Variants in IFIT5 observed in about 807,000 individuals in gnomAD.
The protein encoded by IFIT5 is interferon-induced protein with tetratricopeptide repeats 5.
In IFIT5, 2 loss-of-function variants were observed where a neutral mutation model predicts 5.0. The ratio of observed to expected loss-of-function variants is 0.40; its 90% CI spans 0.16 to 1.26. The LOEUF is 1.26. IFIT5 is among the 50% of genes most tolerant of loss of function. The pLI, the probability that IFIT5 is intolerant of heterozygous loss-of-function variation, is 0.33. For missense variants in IFIT5, 524 were observed against 563.2 expected (o/e 0.93, Z 0.70); for synonymous variants, 206 against 204.6 (o/e 1.01, Z -0.06).
chr10:89,418,642 C>T lies in IFIT5; in HGVS notation c.1443C>T (p.Ser481=). 3 of 1,605,742 alleles carry T rather than the reference C, an allele frequency of 1.9e-6. No individual in the cohort carries two copies. The part of the protein sequence containing the change: ...FLTALCELRL[S]I ...CTGCTCTCTGTGAGCTCCGACTTTC[C>T]ATTTAAATACATACTCTAGGAAATT... The change falls in exon 2 of 2, where the codon TCC becomes TCT. Residue 481 remains serine (S), a synonymous_variant. Transcript: ENST00000371795.
Position 89,417,626 on chromosome 10 carries a change from G to T in IFIT5, c.427G>T (p.Glu143Ter). The T allele has an allele frequency of 6.2e-7, 1 of 1,614,232 alleles. No individual in the cohort carries two copies. The highest frequency in any genetic ancestry group is 8.5e-7 in the Non-Finnish European group (1 of 1,180,046). The change falls in exon 2 of 2, where the codon GAG (glutamate) becomes TAG (stop). Residue 143 changes from glutamate to a stop codon, truncating the protein, a stop_gained. Transcript: ENST00000371795. LOFTEE classifies it low-confidence loss of function (END_TRUNC). ...YKLECPETDC[E>*]KGWALLKFGG... ...GTTGGAGTGTCCTGAGACTGACTGT[G>T]AGAAAGGCTGGGCACTCTTGAAATT...
At chr10:89,416,839 C>G (rs1841542509) in intron 1 of IFIT5, among the ~76,000 whole-genome samples, 1 of 152,128 alleles carries the variant, frequency 6.6e-6, no homozygotes, top group Non-Finnish European at 1.5e-5. Flanking sequence ...ACCAGGTTTC[C>G]TAGTCAGGAT....
Position 89,419,939 on chromosome 10 carries a change from G to A in IFIT5, c.*1291G>A, listed in dbSNP as rs1053390208. On this transcript the variant is annotated 3_prime_UTR_variant, in exon 2 of 2. Transcript: ENST00000371795. The stretch of plus-strand genomic sequence containing the variant: ...TCTTAAAATTATTATGTATGTGTGT[G>A]TGTTTTACTTTTTGTTTTTTATCAT... The A allele has an allele frequency of 6.6e-6, 1 of 151,648 alleles. No homozygotes were observed. Among genetic ancestry groups the A allele is most frequent in the Non-Finnish European group, 1.5e-5 (1 of 67,900 alleles). 9.4% of individuals were successfully genotyped at this position (151,648 alleles called of 1,614,324 possible).
Position 89,418,622 on chromosome 10 carries a change from C to G in IFIT5, c.1423C>G (p.Leu475Val). ...AGAAAATGCAGAATTCCTGACTGCTCTCTGTGAGCTCCGACTTTCCATTTA... is the reference window on the plus strand; with the variant it reads ...AGAAAATGCAGAATTCCTGACTGCTGTCTGTGAGCTCCGACTTTCCATTTA... Reference protein sequence around the residue: ...DPENAEFLTALCELRLSI With the variant: ...DPENAEFLTAVCELRLSI Residue 475 changes from leucine to valine, a missense_variant, in exon 2 of 2, where the codon CTC (leucine) becomes GTC (valine). Physicochemically the swap from Leu to Val is conservative, Grantham distance 32. Coordinates refer to ENST00000371795, the MANE Select transcript of IFIT5 (RefSeq NM_012420.3). The G allele has an allele frequency of 3.7e-6, 6 of 1,612,410 alleles. No homozygotes were observed. Among genetic ancestry groups the G allele is most frequent in the East Asian group, 2.2e-5 (1 of 44,866 alleles).
chr10:89,416,068 G>C (rs1215354044), intron 1 of IFIT5, among the ~76,000 whole-genome samples: 1 of 152,104 alleles, frequency 6.6e-6, no homozygotes, highest in African/African-American at 2.4e-5. Context: ...GATTACAGGC[G>C]TGTGCCACCA....
At chr10:89,416,872 G>T (rs1480801943) in intron 1 of IFIT5, among the ~76,000 whole-genome samples, 1 of 152,134 alleles carries the variant, frequency 6.6e-6, no homozygotes, top group Non-Finnish European at 1.5e-5. Context: ...TACAAAAATG[G>T]AATTTTCATA....
At position 89,418,547 on chromosome 10, in the gene IFIT5, G is replaced by A. The variant is rs1359796526; in HGVS notation, c.1348G>A (p.Glu450Lys). 1 of 1,614,170 alleles carries A rather than the reference G, an allele frequency of 6.2e-7. No homozygotes were observed. Among genetic ancestry groups the A allele is most frequent in the Non-Finnish European group, 8.5e-7 (1 of 1,180,024 alleles). The change falls in exon 2 of 2, where the codon GAA becomes AAA. Residue 450 changes from glutamate to lysine, a missense_variant. By Grantham distance (56) the Glu-to-Lys change is moderately conservative (BLOSUM62 1). Coordinates refer to ENST00000371795, the MANE Select transcript of IFIT5 (RefSeq NM_012420.3). ...ALGFVYKLEG[E>K]KRQAAEYYEK... Reference sequence around the variant, plus strand: ...AGGGTTTGTTTACAAGCTGGAAGGAGAAAAGAGGCAAGCTGCTGAGTACTA... The same window carrying A: ...AGGGTTTGTTTACAAGCTGGAAGGAAAAAAGAGGCAAGCTGCTGAGTACTA...
intron 1 of IFIT5, among the ~76,000 whole-genome samples, chr10:89,415,863 C>A (rs1009807494): frequency 6.6e-6 from 1 of 152,198 alleles, no homozygotes; most frequent in Non-Finnish European, 1.5e-5. Context: ...ATAATACTTG[C>A]ACAATAAATG....
At chr10:89,417,065 T>C (rs1841544652) in intron 1 of IFIT5, 140 bp from the exon 2 acceptor site, 1 of 672,636 alleles carries the variant, frequency 1.5e-6, no homozygotes, top group South Asian at 2.4e-5. Context: ...AACTCTAGTA[T>C]AAAGTTATGG....
chr10:89,418,283 C>A lies in IFIT5; in HGVS notation c.1084C>A (p.Arg362=). ...GTATAGCAATGCTGAGGACATTTTC[C>A]GGAAAGCTCTTCGTCTGGAGAACAT... is the stretch of plus-strand genomic sequence containing the variant. ...GQYSNAEDIF[R]KALRLENITD... Residue 362 remains arginine (R), a synonymous_variant, in exon 2 of 2, where the codon CGG becomes AGG. Coordinates refer to ENST00000371795, the MANE Select transcript of IFIT5 (RefSeq NM_012420.3). 6.2e-7 allele frequency: 1 copy of A among 1,614,194 alleles called. No individual in the cohort carries two copies. The highest frequency in any genetic ancestry group is 8.5e-7 in the Non-Finnish European group (1 of 1,180,022).
At chr10:89,417,109 G>A (rs1385753603) in intron 1 of IFIT5, 96 bp from the exon 2 acceptor site, 2 of 1,027,420 alleles carry the variant, frequency 1.9e-6, no homozygotes, top group Non-Finnish European at 2.8e-6. Context: ...ATCAAATAGG[G>A]ATAAAATTAG....
chr10:89,414,689 G>A lies in IFIT5; in HGVS notation c.-110G>A. On this transcript the variant is annotated 5_prime_UTR_variant, in exon 1 of 2. Transcript: ENST00000371795. ...TCCAGGGGCTGCAGAGGCCTGGCGC[G>A]CGCACGCGCACGCGCACGCCCACCG... The A allele has an allele frequency of 7.4e-7, 1 of 1,354,472 alleles. No homozygotes were observed. The highest frequency in any genetic ancestry group is 9.8e-7 in the Non-Finnish European group (1 of 1,019,764). 83.9% of individuals were successfully genotyped at this position (1,354,472 alleles called of 1,614,324 possible).
At position 89,414,721 on chromosome 10, in the gene IFIT5, T is replaced by G; in HGVS notation, c.-78T>G. 1 of 1,546,598 alleles carries G rather than the reference T, an allele frequency of 6.5e-7. No homozygotes were observed. ...CGCACGCGCACGCCCACCGCGCGGC[T>G]TCCCGCGGTCCCCGGTGCTGAGGAG... On this transcript the variant is annotated 5_prime_UTR_variant, in exon 1 of 2. Transcript: ENST00000371795.
Position 89,418,247 on chromosome 10 carries a change from G to C in IFIT5, c.1048G>C (p.Glu350Gln). 2 of 1,614,198 alleles carry C rather than the reference G, an allele frequency of 1.2e-6. No homozygotes were observed. Among genetic ancestry groups the C allele is most frequent in the Non-Finnish European group, 1.7e-6 (2 of 1,180,022 alleles). The change falls in exon 2 of 2, where the codon GAA becomes CAA. Residue 350 changes from glutamate to glutamine, a missense_variant. Physicochemically the swap from Glu to Gln is conservative, Grantham distance 29. Transcript: ENST00000371795. ...CACAGACCTGGCCAACATGTACGCT[G>C]AAGGAGGCCAGTATAGCAATGCTGA... The part of the protein sequence containing the change: ...AYTDLANMYA[E>Q]GGQYSNAEDI...
At position 89,417,641 on chromosome 10, in the gene IFIT5, C is replaced by G; in HGVS notation, c.442C>G (p.Leu148Val). ...PETDCEKGWA[L>V]LKFGGKYYQK... ...GACTGACTGTGAGAAAGGCTGGGCA[C>G]TCTTGAAATTTGGAGGAAAGTATTA... The change falls in exon 2 of 2, where the codon CTC becomes GTC. Residue 148 changes from leucine (L) to valine (V), a missense_variant. Coordinates refer to ENST00000371795, the MANE Select transcript of IFIT5 (RefSeq NM_012420.3). 4.3e-6 allele frequency: 7 copies of G among 1,614,214 alleles called. No individual in the cohort carries two copies. The highest frequency in any genetic ancestry group is 5.9e-6 in the Non-Finnish European group (7 of 1,180,038).
rs1400459199 is a variant in IFIT5, at chr10:89,418,571, T to C, written c.1372T>C (p.Tyr458His). The C allele has an allele frequency of 1.9e-6, 3 of 1,614,142 alleles. No homozygotes were observed. Among genetic ancestry groups the C allele is most frequent in the Non-Finnish European group, 2.5e-6 (3 of 1,179,994 alleles). The change falls in exon 2 of 2, where the codon TAT becomes CAT. Residue 458 changes from tyrosine to histidine, a missense_variant. Physicochemically the swap from Tyr to His is moderately conservative, Grantham distance 83. Transcript: ENST00000371795. Reference sequence around the variant, plus strand: ...AGAAAAGAGGCAAGCTGCTGAGTACTATGAGAAGGCACAAAAGATAGATCC... The same window carrying C: ...AGAAAAGAGGCAAGCTGCTGAGTACCATGAGAAGGCACAAAAGATAGATCC... ...EGEKRQAAEYYEKAQKIDPEN... is the reference protein window; with the variant it reads ...EGEKRQAAEYHEKAQKIDPEN...
At chr10:89,417,169 T>C in intron 1 of IFIT5, 36 bp from the exon 2 acceptor site, 1 of 1,497,184 alleles carries the variant, frequency 6.7e-7, no homozygotes, top group Non-Finnish European at 9.0e-7. Flanking sequence ...TTTCTTGTAT[T>C]TCTTCAAAAA....
At chr10:89,415,952 T>C (rs1841532112) in intron 1 of IFIT5, among the ~76,000 whole-genome samples, 1 of 152,226 alleles carries the variant, frequency 6.6e-6, no homozygotes, top group Admixed American at 6.5e-5. Flanking sequence ...AGACGGAGTC[T>C]CGCCCTGTCA....
At chr10:89,415,531 C>G (rs989753731) in intron 1 of IFIT5, among the ~76,000 whole-genome samples, 2 of 152,198 alleles carry the variant, frequency 1.3e-5, no homozygotes, top group African/African-American at 4.8e-5. Context: ...ATGAGGATTT[C>G]TTTATCTGTT....
Sources: gnomAD v4.1 joint callset for allele counts (sites outside exome capture counted in the v4.1 genomes callset) on GRCh38, gnomAD v4.1.1 for gene constraint, MANE v1.5 for transcripts, NCBI Gene and HGNC (gene_info 2026-07-23, HGNC 2026-07-21) for gene names.